PCSK2: variants seen among roughly 807,000 people sequenced by gnomAD.
PCSK2 encodes the protein neuroendocrine convertase 2.
In PCSK2, 14 loss-of-function variants were observed where a neutral mutation model predicts 69.7. The ratio of observed to expected loss-of-function variants is 0.20; its 90% CI spans 0.13 to 0.31. PCSK2 has a LOEUF of 0.31. Among genes scored for constraint, PCSK2 ranks in the 10% least tolerant of loss-of-function variants. The pLI, the probability that PCSK2 is intolerant of heterozygous loss-of-function variation, is 1.00. For synonymous variants in PCSK2, 307 were observed against 320.7 expected (o/e 0.96, Z 0.46); for missense variants, 544 against 842.5 (o/e 0.65, Z 4.39).
At chr20:17,415,567 G>A (rs2031980512) in intron 6 of PCSK2, among the ~76,000 whole-genome samples, 1 of 152,176 alleles carries the variant, frequency 6.6e-6, no homozygotes, top group South Asian at 2.1e-4. Context: ...CCATGCTCAT[G>A]GATAGGAAGA....
chr20:17,441,867 TATTC>T (rs1450109717), intron 8 of PCSK2, among the ~76,000 whole-genome samples: 9 of 151,982 alleles, frequency 5.9e-5, no homozygotes, highest in Non-Finnish European at 1.3e-4. Context: ...TGTCCCCAAA[TATTC>T]ATATGTTGGG....
intron 4 of PCSK2, among the ~76,000 whole-genome samples, chr20:17,365,871 G>T (rs1322285884): frequency 6.6e-6 from 1 of 152,176 alleles, no homozygotes; most frequent in Admixed American, 6.5e-5. Flanking sequence ...GGCCTCCAAG[G>T]CTCCTAATGA....
chr20:17,306,537 C>G (rs1989333300), intron 2 of PCSK2, among the ~76,000 whole-genome samples: 1 of 152,122 alleles, frequency 6.6e-6, no homozygotes, highest in African/African-American at 2.4e-5. Flanking sequence ...AAAGTTTGAC[C>G]AGGCCTCATT....
chr20:17,346,828 C>T lies in PCSK2; in HGVS notation c.283-11499C>T, dbSNP rs1237290442. 3.3e-5 allele frequency among the ~76,000 whole-genome samples: 5 copies of T among 152,136 alleles called. No individual in the cohort carries two copies. In the South Asian group the frequency reaches 6.2e-4, roughly 19 times the overall value. ...CCCACCACCCTGGAAACAAGCATAG[C>T]CCTGGCTGCAATGCACATGTTCCAA... On this transcript the variant is annotated intron_variant, in intron 2 of 11. Transcript: ENST00000262545.
chr20:17,407,603 G>A (rs569988519), intron 5 of PCSK2, among the ~76,000 whole-genome samples: 10 of 152,056 alleles, frequency 6.6e-5, no homozygotes, highest in Admixed American at 2.6e-4. Context: ...TCCAAATATC[G>A]CATGGGAAGT....
At chr20:17,465,589 A>C (rs759728303) in intron 11 of PCSK2, 36 bp downstream of exon 11, 49 of 1,338,912 alleles carry the variant, frequency 3.7e-5, no homozygotes, top group Non-Finnish European at 4.2e-5. Flanking sequence ...CTGCATGTGG[A>C]AAGTGCCCCT....
chr20:17,456,541 G>C (rs1275361338), intron 10 of PCSK2, 93 bp downstream of exon 10: 1 of 728,358 alleles, frequency 1.4e-6, no homozygotes, highest in Non-Finnish European at 2.4e-6. Flanking sequence ...GGAGGGAAAA[G>C]TTGATGTGAG....
At chr20:17,435,596 C>T (rs1343138076) in intron 7 of PCSK2, among the ~76,000 whole-genome samples, 3 of 152,196 alleles carry the variant, frequency 2.0e-5, no homozygotes, top group Non-Finnish European at 4.4e-5. Context: ...CCTTCAGGCA[C>T]AACATCCTTT....
At chr20:17,263,150 A>C in intron 2 of PCSK2, 1 of 985,066 alleles carries the variant, frequency 1.0e-6, no homozygotes, top group Non-Finnish European at 1.2e-6. Flanking sequence ...AAAGGTAGAA[A>C]CCCAAGGTAC....
At chr20:17,376,635 T>C (rs2030936576) in intron 5 of PCSK2, among the ~76,000 whole-genome samples, 1 of 152,232 alleles carries the variant, frequency 6.6e-6, no homozygotes, top group Non-Finnish European at 1.5e-5. Context: ...TTTGAAGCAC[T>C]CCAAGATTCT....
intron 2 of PCSK2, among the ~76,000 whole-genome samples, chr20:17,342,377 G>A (rs1990532927): frequency 6.6e-6 from 1 of 152,140 alleles, no homozygotes; most frequent in South Asian, 2.1e-4. Context: ...GAGTGCAGTG[G>A]CGTAATCTCC....
intron 2 of PCSK2, among the ~76,000 whole-genome samples, chr20:17,319,637 G>T (rs1231848499): frequency 6.6e-6 from 1 of 152,030 alleles, no homozygotes; most frequent in Non-Finnish European, 1.5e-5. Flanking sequence ...ACTTGGCCAG[G>T]TCTAGGGCCA....
chr20:17,318,551 G>A (rs116476876), intron 2 of PCSK2, among the ~76,000 whole-genome samples: 13 of 152,330 alleles, frequency 8.5e-5, no homozygotes, highest in East Asian at 1.9e-4. Flanking sequence ...TGATTGCAGC[G>A]TGGGAGTTGT....
chr20:17,366,771 T>G (rs2030605671), intron 4 of PCSK2, among the ~76,000 whole-genome samples: 2 of 152,208 alleles, frequency 1.3e-5, no homozygotes. Context: ...ACTTAACACT[T>G]AGTATTCCTC....
chr20:17,367,118 T>G (rs1197212154), intron 4 of PCSK2, among the ~76,000 whole-genome samples: 1 of 151,688 alleles, frequency 6.6e-6, no homozygotes, highest in Non-Finnish European at 1.5e-5. Context: ...AATTATATTT[T>G]TGATCATTTA....
intron 2 of PCSK2, among the ~76,000 whole-genome samples, chr20:17,327,548 T>A (rs1484495416): frequency 1.3e-5 from 2 of 152,148 alleles, no homozygotes; most frequent in Non-Finnish European, 2.9e-5. Flanking sequence ...AGACGCCCTC[T>A]GCCCCTTCCC....
intron 4 of PCSK2, among the ~76,000 whole-genome samples, chr20:17,361,202 T>G (rs950365741): frequency 1.3e-5 from 2 of 152,184 alleles, no homozygotes; most frequent in African/African-American, 4.8e-5. Flanking sequence ...TAAAACAGCT[T>G]TTCAGTAACA....
At chr20:17,437,455 T>C (rs183723813) in intron 8 of PCSK2, among the ~76,000 whole-genome samples, 289 of 152,138 alleles carry the variant, frequency 1.9e-3, no homozygotes, top group African/African-American at 6.6e-3. Context: ...CAGTGCTGCA[T>C]AGGGAGGGGA....
chr20:17,346,497 C>A (rs1990657460), intron 2 of PCSK2, among the ~76,000 whole-genome samples: 1 of 152,200 alleles, frequency 6.6e-6, no homozygotes, highest in Non-Finnish European at 1.5e-5. Context: ...GAAAACAGAG[C>A]CATTCACCTG....
Sources: gnomAD v4.1 joint callset for allele counts (sites outside exome capture counted in the v4.1 genomes callset) on GRCh38, gnomAD v4.1.1 for gene constraint, MANE v1.5 for transcripts, NCBI Gene and HGNC (gene_info 2026-07-23, HGNC 2026-07-21) for gene names.